The following QSER1 variants were observed in gnomAD, a reference collection of about 807,000 sequenced individuals.
QSER1 encodes the protein glutamine and serine-rich protein 1.
In QSER1, 49 loss-of-function variants were observed where a neutral mutation model predicts 158.5. The ratio of observed to expected loss-of-function variants is 0.31; its 90% CI spans 0.25 to 0.39. QSER1 has a LOEUF of 0.39. QSER1 is among the 10% of genes least tolerant of loss of function. The pLI, the probability that QSER1 is intolerant of heterozygous loss-of-function variation, is 1.00. For missense variants in QSER1, 1,754 were observed against 2,010.3 expected, an observed-to-expected ratio of 0.87 and a Z score of 2.44; for synonymous variants, 650 against 715.5, an observed-to-expected ratio of 0.91 and a Z score of 1.46.
In QSER1 at chr11:32,932,742, T is replaced by C; in HGVS notation, c.1484T>C (p.Val495Ala). The change falls in exon 4 of 13, where the codon GTT becomes GCT. Residue 495 changes from valine (V) to alanine (A), a missense_variant. Around this residue, in one of 2 missense-constraint regions of QSER1, gnomAD observed 1,707 missense variants for 1,919.6 expected, o/e 0.89. Transcript: ENST00000650167. Reference protein sequence around the residue: ...VHSQVYRSSKVEKLPPLYKTL... With the variant: ...VHSQVYRSSKAEKLPPLYKTL... ...TCACAGGTTTATAGGTCCAGCAAGG[T>C]TGAGAAATTGCCACCCTTGTATAAA... The C allele has an allele frequency of 6.2e-7, 1 of 1,614,146 alleles. No homozygotes were observed. The highest frequency in any genetic ancestry group is 8.5e-7 in the Non-Finnish European group (1 of 1,180,010).
At chr11:32,930,056 C>T (rs965866687) in intron 3 of QSER1, among the ~76,000 whole-genome samples, 6 of 152,116 alleles carry the variant, frequency 3.9e-5, no homozygotes, top group African/African-American at 1.2e-4. Context: ...CTCATAATAA[C>T]GACTAAAACT....
At chr11:32,949,164 A>G (rs1056682496) in intron 4 of QSER1, among the ~76,000 whole-genome samples, 1 of 152,004 alleles carries the variant, frequency 6.6e-6, no homozygotes, top group Non-Finnish European at 1.5e-5. Context: ...CTTGTATCTC[A>G]TAGCTTCTCC....
rs562526200 is a variant in QSER1 at position 32,892,843 on chromosome 11, G to GGCCGCCGCCGCCGCCGCCGCCGCC, written c.-264_-263insCCGCCGCCGCCGCCGCCGCCGCCG. Among the ~76,000 whole-genome samples the GGCCGCCGCCGCCGCCGCCGCCGCC allele has an allele frequency of 7.6e-5, 11 of 144,876 alleles. No homozygotes were observed. In the South Asian group the frequency reaches 8.5e-4, roughly 11 times the overall value. Reference sequence around the variant, plus strand: ...GAAATCCACCAACATGGGGCGCAGCGGCCGCCGCCGCCGCCGCCGTCGCCG... The same window carrying GGCCGCCGCCGCCGCCGCCGCCGCC: ...GAAATCCACCAACATGGGGCGCAGCGGCCGCCGCCGCCGCCGCCGCCGCCGCCGCCGCCGCCGCCGCCGTCGCCG... On this transcript the variant is annotated 5_prime_UTR_variant, in exon 1 of 13. Coordinates refer to ENST00000650167, the MANE Select transcript of QSER1 (RefSeq NM_001076786.3).
chr11:32,973,590 AT>A, intron 11 of QSER1, 41 bp downstream of exon 11: 1 of 1,517,886 alleles, frequency 6.6e-7, no homozygotes, highest in African/African-American at 1.4e-5. Context: ...ACCTTTTCCA[AT>A]TGTTAATACA....
intron 1 of QSER1, among the ~76,000 whole-genome samples, chr11:32,898,200 G>C (rs922092862): frequency 1.4e-4 from 22 of 152,142 alleles, no homozygotes; most frequent in Non-Finnish European, 2.4e-4. Flanking sequence ...CTGTAATATG[G>C]TCAGGCGTGA....
chr11:32,964,752 A>C (rs1457351808), intron 8 of QSER1, among the ~76,000 whole-genome samples: 1 of 143,902 alleles, frequency 6.9e-6, no homozygotes. Context: ...ACACACACAC[A>C]CACACACACA....
At chr11:32,970,657 C>T (rs79063596) in intron 10 of QSER1, among the ~76,000 whole-genome samples, 14,675 of 151,830 alleles carry the variant, frequency 0.097, 950 homozygotes, top group Non-Finnish European at 0.14. Flanking sequence ...CGCCTACTTC[C>T]GCCTCCCAAA....
At chr11:32,962,808 G>T (rs1315452125) in intron 8 of QSER1, among the ~76,000 whole-genome samples, 1 of 152,162 alleles carries the variant, frequency 6.6e-6, no homozygotes, top group Non-Finnish European at 1.5e-5. Flanking sequence ...TTTATCATTG[G>T]CAACAAATAC....
chr11:32,926,389 A>AT (rs1009719115), intron 1 of QSER1, among the ~76,000 whole-genome samples: 1 of 152,194 alleles, frequency 6.6e-6, no homozygotes, highest in Non-Finnish European at 1.5e-5. Context: ...CCTTATTCCT[A>AT]TGAGATGCAA....
intron 4 of QSER1, among the ~76,000 whole-genome samples, chr11:32,940,767 G>A (rs1852218513): frequency 6.6e-6 from 1 of 152,036 alleles, no homozygotes; most frequent in Non-Finnish European, 1.5e-5. Flanking sequence ...TACCTCTGTA[G>A]TTATACCCTC....
intron 8 of QSER1, among the ~76,000 whole-genome samples, chr11:32,964,731 T>TACACAC (rs1356506353): frequency 6.4e-4 from 72 of 113,072 alleles, no homozygotes; most frequent in Middle Eastern, 4.5e-3. Context: ...TATATATATA[T>TACACAC]ATATATATAC....
rs116271066 is a variant in QSER1, at chr11:32,962,035, G to A, written c.4969+3949G>A. 5.2e-3 allele frequency among the ~76,000 whole-genome samples: 784 copies of A among 152,220 alleles called. 10 individuals carry two copies. Among genetic ancestry groups the A allele is most frequent in the African/African-American group, 0.018 (742 of 41,544 alleles). ...TACTATTGTCACATAATAATCCTATGTTTAGCCTTTAGAGGAACCATCAAA... is the reference window on the plus strand; with the variant it reads ...TACTATTGTCACATAATAATCCTATATTTAGCCTTTAGAGGAACCATCAAA... On this transcript the variant is annotated intron_variant, in intron 8 of 12. Transcript: ENST00000650167.
At position 32,893,545 on chromosome 11, in the gene QSER1, CG is replaced by C. The variant is rs1347072473; in HGVS notation, c.209+213del. ...CCGGTGCAGGATTCGCGCCTGGGGACGGCGGGTGAAGGAATAGCTGGGCGGG... is the reference window on the plus strand; with the variant it reads ...CCGGTGCAGGATTCGCGCCTGGGGACGCGGGTGAAGGAATAGCTGGGCGGG... On this transcript the variant is annotated intron_variant, in intron 1 of 12. Transcript: ENST00000650167. This position sits in a 1 kb window ranked among gnomAD's most constrained non-coding sequence, Gnocchi z 4.7. Among the ~76,000 whole-genome samples the C allele has an allele frequency of 1.3e-5, 2 of 152,070 alleles. No individual in the cohort carries two copies. Among genetic ancestry groups the C allele is most frequent in the Non-Finnish European group, 2.9e-5 (2 of 68,006 alleles).
intron 7 of QSER1, among the ~76,000 whole-genome samples, chr11:32,956,344 G>A (rs1852511762): frequency 6.6e-6 from 1 of 151,944 alleles, no homozygotes; most frequent in African/African-American, 2.4e-5. Flanking sequence ...TTTTCCCTAA[G>A]TCCTTTTGGT....
At chr11:32,938,872 A>G (rs1852191014) in intron 4 of QSER1, among the ~76,000 whole-genome samples, 2 of 152,170 alleles carry the variant, frequency 1.3e-5, no homozygotes, top group South Asian at 4.1e-4. Context: ...ATCAACATAA[A>G]CTAAATCCTG....
At chr11:32,924,060 TTACCTC>T (rs1208689317) in intron 1 of QSER1, among the ~76,000 whole-genome samples, 4 of 152,082 alleles carry the variant, frequency 2.6e-5, no homozygotes, top group African/African-American at 9.7e-5. Context: ...ACCTTGAACT[TTACCTC>T]ATACCATACA....
At chr11:32,952,681 G>A (rs1232392825) in intron 4 of QSER1, among the ~76,000 whole-genome samples, 1 of 150,228 alleles carries the variant, frequency 6.7e-6, no homozygotes, top group African/African-American at 2.4e-5. Context: ...TTCTTTAATT[G>A]TTGATAGAAT....
At chr11:32,953,274 G>C (rs999474190) in intron 4 of QSER1, among the ~76,000 whole-genome samples, 1 of 150,652 alleles carries the variant, frequency 6.6e-6, no homozygotes. Flanking sequence ...CATGTATTTG[G>C]TTTTTCATCT....
intron 8 of QSER1, among the ~76,000 whole-genome samples, chr11:32,959,447 T>C (rs545667380): frequency 2.6e-5 from 4 of 152,218 alleles, no homozygotes. Flanking sequence ...CTTAGAGGGA[T>C]TTATAAGGGG....
Sources: allele counts gnomAD v4.1 joint callset (sites outside exome capture counted in the v4.1 genomes callset), GRCh38; gene constraint gnomAD v4.1.1; regional missense constraint gnomAD v4.1.1; non-coding constraint Gnocchi (gnomAD v3.1); transcripts MANE v1.5; gene names NCBI Gene and HGNC (gene_info 2026-07-23, HGNC 2026-07-21).